WWOX: variants seen among roughly 807,000 people sequenced by gnomAD.
WWOX encodes WW domain-containing oxidoreductase.
Under a neutral mutation model 46.2 loss-of-function variants are expected in WWOX, and 69 were observed. That is an observed-to-expected ratio of 1.49 (90% CI 1.23 to 1.82). The LOEUF (loss-of-function observed/expected upper bound fraction) is 1.82, where lower values mean the gene tolerates loss of function less well. Ranked by LOEUF, WWOX falls within the 40% of genes most tolerant of loss-of-function variation. The pLI, the probability that WWOX is intolerant of heterozygous loss-of-function variation, is 0.00. For missense variants in WWOX, 919 were observed against 542.6 expected, an observed-to-expected ratio of 1.69 and a Z score of -6.89; for synonymous variants, 359 against 202.6, an observed-to-expected ratio of 1.77 and a Z score of -6.56.
At chr16:78,833,114 T>C (rs1447130208) in intron 8 of WWOX, among the ~76,000 whole-genome samples, 1 of 151,458 alleles carries the variant, frequency 6.6e-6, no homozygotes, top group African/African-American at 2.4e-5. Context: ...CAATCAGAGA[T>C]CACTGCAGCC....
chr16:78,409,324 C>A (rs1415411482), intron 6 of WWOX, among the ~76,000 whole-genome samples: 2 of 152,272 alleles, frequency 1.3e-5, no homozygotes, highest in East Asian at 3.9e-4. Flanking sequence ...AGATACAGAA[C>A]AGTGCCATCA....
At chr16:78,124,370 A>C (rs912438064) in intron 4 of WWOX, 9 of 152,204 alleles carry the variant, frequency 5.9e-5, no homozygotes, top group Admixed American at 5.2e-4. Flanking sequence ...CTTCATAATA[A>C]ATAAGATGCT....
rs576251665 is a variant in WWOX, at chr16:78,316,431, C to T, written c.517-70429C>T. Among the ~76,000 whole-genome samples the T allele has an allele frequency of 7.9e-5, 12 of 152,168 alleles. No homozygotes were observed. In the South Asian group the frequency reaches 2.5e-3, roughly 32 times the overall value. Reference sequence around the variant, plus strand: ...TCTTGGCTCACTGCAACCTCCGACCCCCCTGGGTTCAAGCGATTCTCCTGC... The same window carrying T: ...TCTTGGCTCACTGCAACCTCCGACCTCCCTGGGTTCAAGCGATTCTCCTGC... On this transcript the variant is annotated intron_variant, in intron 5 of 8. Coordinates refer to ENST00000566780, the MANE Select transcript of WWOX (RefSeq NM_016373.4).
chr16:78,317,285 GTCTC>G (rs551534032), intron 5 of WWOX, among the ~76,000 whole-genome samples: 2 of 152,114 alleles, frequency 1.3e-5, no homozygotes, highest in African/African-American at 4.8e-5. Flanking sequence ...CTCTCTGTCT[GTCTC>G]TCTCTGTCTC....
chr16:78,654,130 A>C (rs2047027728), intron 8 of WWOX, among the ~76,000 whole-genome samples: 1 of 152,192 alleles, frequency 6.6e-6, no homozygotes, highest in Admixed American at 6.5e-5. Flanking sequence ...CAGGGTCTGG[A>C]CTCAAGATGA....
rs943298295 is a variant in WWOX, at chr16:78,423,170, C to T, written c.606-1700C>T. 6.6e-5 allele frequency among the ~76,000 whole-genome samples: 10 copies of T among 152,278 alleles called. No homozygotes were observed. The South Asian group carries it at 8.3e-4, about 13-fold the overall frequency. On this transcript the variant is annotated intron_variant, in intron 6 of 8. Transcript: ENST00000566780. ...AAAGTGCTGAGATTACAGGCGTGAGCCGCCATGCCTGCCCTTATTTTTATA... is the reference window on the plus strand; with the variant it reads ...AAAGTGCTGAGATTACAGGCGTGAGTCGCCATGCCTGCCCTTATTTTTATA...
chr16:78,159,740 C>G (rs2151730625), intron 4 of WWOX, among the ~76,000 whole-genome samples: 1 of 125,382 alleles, frequency 8.0e-6, no homozygotes, highest in Admixed American at 9.3e-5. Context: ...GATATGAACA[C>G]TATCAGTTAT....
At chr16:78,968,761 G>T (rs2046413025) in intron 8 of WWOX, among the ~76,000 whole-genome samples, 1 of 152,088 alleles carries the variant, frequency 6.6e-6, no homozygotes, top group Admixed American at 6.5e-5. Context: ...CATTAGCATG[G>T]TGAAGATTAA....
intron 8 of WWOX, among the ~76,000 whole-genome samples, chr16:78,652,424 A>G (rs67057396): frequency 0.093 from 13,800 of 148,750 alleles, 908 homozygotes; most frequent in Non-Finnish European, 0.13. Context: ...AAAAAAAAAA[A>G]AAAAAAAGAA....
intron 8 of WWOX, among the ~76,000 whole-genome samples, chr16:78,925,155 A>G (rs1322971094): frequency 1.3e-5 from 2 of 152,218 alleles, no homozygotes; most frequent in South Asian, 2.1e-4. Context: ...TGATATTGCC[A>G]CTGCACTCCA....
At chr16:78,469,396 A>G (rs1036719927) in intron 8 of WWOX, among the ~76,000 whole-genome samples, 6 of 151,854 alleles carry the variant, frequency 4.0e-5, no homozygotes, top group Non-Finnish European at 7.3e-5. Flanking sequence ...TCTTCACAGG[A>G]GCACTTGGAG....
intron 8 of WWOX, among the ~76,000 whole-genome samples, chr16:78,849,891 G>A (rs1285593569): frequency 1.3e-5 from 2 of 152,066 alleles, no homozygotes; most frequent in Non-Finnish European, 2.9e-5. Flanking sequence ...TGACCAACAT[G>A]CAGAAACCCT....
chr16:78,252,704 C>T (rs1048370335), intron 5 of WWOX, among the ~76,000 whole-genome samples: 3 of 152,110 alleles, frequency 2.0e-5, no homozygotes, highest in African/African-American at 7.2e-5. Context: ...ATTGTTTTAG[C>T]CACTGAATAT....
chr16:78,318,235 C>G (rs1026025595), intron 5 of WWOX, among the ~76,000 whole-genome samples: 94 of 150,184 alleles, frequency 6.3e-4, no homozygotes, highest in African/African-American at 2.3e-3. Flanking sequence ...CCAGAAGCAG[C>G]CTACAGAAAC....
At chr16:78,626,163 C>G (rs949614683) in intron 8 of WWOX, among the ~76,000 whole-genome samples, 2 of 151,502 alleles carry the variant, frequency 1.3e-5, no homozygotes, top group African/African-American at 2.4e-5. Context: ...TGGAGTCTGG[C>G]TCTTTTGCCC....
chr16:78,800,103 C>T (rs368351581), intron 8 of WWOX, among the ~76,000 whole-genome samples: 36 of 152,136 alleles, frequency 2.4e-4, no homozygotes, highest in East Asian at 1.9e-3. Flanking sequence ...ACGTTTGTCA[C>T]GGTTCATAAA....
intron 8 of WWOX, among the ~76,000 whole-genome samples, chr16:78,997,884 C>T (rs1434878463): frequency 5.4e-5 from 8 of 148,842 alleles, no homozygotes; most frequent in African/African-American, 1.5e-4. Context: ...AACATTCTTT[C>T]TTTTTTTTTT....
At chr16:78,783,296 C>T (rs1205112095) in intron 8 of WWOX, among the ~76,000 whole-genome samples, 1 of 152,222 alleles carries the variant, frequency 6.6e-6, no homozygotes, top group Non-Finnish European at 1.5e-5. Context: ...GTGTGTGGCA[C>T]TGTGCAGTTG....
At chr16:78,931,487 G>A (rs1185515975) in intron 8 of WWOX, among the ~76,000 whole-genome samples, 2 of 152,210 alleles carry the variant, frequency 1.3e-5, no homozygotes, top group Admixed American at 6.5e-5. Flanking sequence ...TTGCTGGGCT[G>A]GGCCAGTTCA....
Sources: gnomAD v4.1 joint callset for allele counts (sites outside exome capture counted in the v4.1 genomes callset) on GRCh38, gnomAD v4.1.1 for gene constraint, MANE v1.5 for transcripts, NCBI Gene and HGNC (gene_info 2026-07-23, HGNC 2026-07-21) for gene names.